Variants in LINGO2 observed in about 807,000 individuals in gnomAD.
LINGO2 encodes the protein leucine rich repeat and Ig domain containing 2.
Under a neutral mutation model 30.6 loss-of-function variants are expected in LINGO2, and 14 were observed. The observed-to-expected ratio is 0.46, with a 90% CI of 0.30 to 0.72. The LOEUF is 0.72. Among genes scored for constraint, LINGO2 ranks in the 30% least tolerant of loss-of-function variants. LINGO2 has a pLI of 0.07. For synonymous variants in LINGO2, 317 were observed against 288.5 expected (o/e 1.10, Z -1.00); for missense variants, 729 against 751.7 (o/e 0.97, Z 0.35).
intron 2 of LINGO2, among the ~76,000 whole-genome samples, chr9:28,431,029 TG>T (rs1363804559): frequency 7.7e-6 from 1 of 129,358 alleles, no homozygotes; most frequent in Non-Finnish European, 1.6e-5. Context: ...GCATGAGTGA[TG>T]AGAGAGAGAG....
At chr9:28,086,462 C>A (rs12551349) in intron 4 of LINGO2, among the ~76,000 whole-genome samples, 21,919 of 151,970 alleles carry the variant, frequency 0.14, 2,180 homozygotes, top group Non-Finnish European at 0.19. Context: ...CTGCAATAAG[C>A]TTTCCTCATT....
At chr9:28,754,875 C>T in the LINGO2 span, among the ~76,000 whole-genome samples, 2 of 151,972 alleles carry the variant, frequency 1.3e-5, no homozygotes, top group Non-Finnish European at 2.9e-5. Context: ...CCATGATCCG[C>T]CCGTCTCAGC....
rs1827100807 is a variant in LINGO2 at position 28,633,525 on chromosome 9, A to G, written c.-365+36675T>C. Among the ~76,000 whole-genome samples, 4 of 152,206 alleles carry G rather than the reference A, an allele frequency of 2.6e-5. No homozygotes were observed. In the South Asian group the frequency reaches 8.3e-4, roughly 32 times the overall value. ...AAGAAATTAGGTGATTTTGAGGTAA[A>G]AGCTCTCAAATTGCACTTAAATAAT... On this transcript the variant is annotated intron_variant, in intron 1 of 5. Transcript: ENST00000379992.
chr9:29,142,964 T>C, the LINGO2 span, among the ~76,000 whole-genome samples: 1 of 151,920 alleles, frequency 6.6e-6, no homozygotes, highest in African/African-American at 2.4e-5. Context: ...AAGATACAAA[T>C]TAACATTAAA....
chr9:28,154,449 C>T (rs1828080785), intron 4 of LINGO2, among the ~76,000 whole-genome samples: 1 of 152,104 alleles, frequency 6.6e-6, no homozygotes, highest in Admixed American at 6.5e-5. Context: ...ACTGTTTGGT[C>T]TGCTTGGATA....
chr9:29,201,235 C>T, the LINGO2 span, among the ~76,000 whole-genome samples: 1 of 152,086 alleles, frequency 6.6e-6, no homozygotes, highest in Non-Finnish European at 1.5e-5. Context: ...TTTGCCTATT[C>T]TTCCCAATTC....
chr9:27,985,647 C>T (rs976208039), intron 5 of LINGO2, among the ~76,000 whole-genome samples: 2 of 147,972 alleles, frequency 1.4e-5, no homozygotes, highest in African/African-American at 5.1e-5. Context: ...TTATGGTTTT[C>T]AATTAGGGTT....
intron 1 of LINGO2, among the ~76,000 whole-genome samples, chr9:28,644,067 C>T (rs1167298195): frequency 6.6e-6 from 1 of 151,842 alleles, no homozygotes; most frequent in Non-Finnish European, 1.5e-5. Context: ...AAAAGAGAAC[C>T]CTTGTGCACT....
chr9:28,268,890 C>T (rs1822844852), intron 4 of LINGO2, among the ~76,000 whole-genome samples: 1 of 151,958 alleles, frequency 6.6e-6, no homozygotes, highest in African/African-American at 2.4e-5. Flanking sequence ...TTTTTAAATC[C>T]ACAGTTTGGT....
chr9:28,422,060 G>T (rs149799028), intron 2 of LINGO2, among the ~76,000 whole-genome samples: 198 of 152,126 alleles, frequency 1.3e-3, no homozygotes, highest in African/African-American at 4.6e-3. Flanking sequence ...AAAACTCTTT[G>T]AAGAAAACGT....
chr9:28,768,939 C>CATT, the LINGO2 span, among the ~76,000 whole-genome samples: 3 of 151,932 alleles, frequency 2.0e-5, no homozygotes, highest in Non-Finnish European at 4.4e-5. Flanking sequence ...ACATGTAACC[C>CATT]ATTTTTCCCA....
At chr9:28,578,983 T>C (rs748504203) in intron 1 of LINGO2, among the ~76,000 whole-genome samples, 5 of 152,002 alleles carry the variant, frequency 3.3e-5, no homozygotes, top group Non-Finnish European at 7.4e-5. Flanking sequence ...GGATTTAAGA[T>C]AAGATAGAAT....
chr9:28,710,255 G>A, the LINGO2 span, among the ~76,000 whole-genome samples: 1 of 151,906 alleles, frequency 6.6e-6, no homozygotes, highest in South Asian at 2.1e-4. Context: ...ACATCTGTGA[G>A]TCAGGAAATG....
chr9:28,764,890 C>T, the LINGO2 span, among the ~76,000 whole-genome samples: 5 of 151,812 alleles, frequency 3.3e-5, no homozygotes, highest in African/African-American at 7.3e-5. Context: ...AAAAAAACTA[C>T]TGCATTTATG....
intron 2 of LINGO2, among the ~76,000 whole-genome samples, chr9:28,474,613 A>G (rs964691255): frequency 2.0e-5 from 3 of 152,088 alleles, no homozygotes; most frequent in Non-Finnish European, 2.9e-5. Context: ...CATTTTAACA[A>G]TTTGGAAGTT....
the LINGO2 span, among the ~76,000 whole-genome samples, chr9:29,126,280 G>T: frequency 6.6e-6 from 1 of 152,036 alleles, no homozygotes; most frequent in African/African-American, 2.4e-5. Context: ...TTAAATTATG[G>T]CTCTGCCACT....
intron 3 of LINGO2, among the ~76,000 whole-genome samples, chr9:28,335,314 G>C (rs1825554972): frequency 6.6e-6 from 1 of 152,148 alleles, no homozygotes; most frequent in African/African-American, 2.4e-5. Flanking sequence ...TCTAAGAGAA[G>C]AATGAATATA....
intron 1 of LINGO2, among the ~76,000 whole-genome samples, chr9:28,596,108 G>T (rs1188528220): frequency 6.6e-6 from 1 of 152,162 alleles, no homozygotes; most frequent in Admixed American, 6.5e-5. Context: ...CCTAATGATA[G>T]CATATACTTG....
At chr9:28,141,032 A>T (rs1346185374) in intron 4 of LINGO2, among the ~76,000 whole-genome samples, 2 of 152,038 alleles carry the variant, frequency 1.3e-5, no homozygotes, top group Non-Finnish European at 2.9e-5. Context: ...TCTTAAGTCC[A>T]AACCAGTGAT....
Sources: allele counts gnomAD v4.1 joint callset (sites outside exome capture counted in the v4.1 genomes callset), GRCh38; gene constraint gnomAD v4.1.1; transcripts MANE v1.5; gene names NCBI Gene and HGNC (gene_info 2026-07-23, HGNC 2026-07-21).